Variants in RBFOX3 observed in about 807,000 individuals in gnomAD.
The protein encoded by RBFOX3 is RNA binding fox-1 homolog 3.
RBFOX3 carries 17 observed loss-of-function variants against 48.7 expected under a neutral mutation model. The ratio of observed to expected loss-of-function variants is 0.35; its 90% CI spans 0.24 to 0.52. The LOEUF (loss-of-function observed/expected upper bound fraction) is 0.52. Among genes scored for constraint, RBFOX3 ranks in the 20% least tolerant of loss-of-function variants. The pLI is 0.94. For synonymous variants in RBFOX3, 212 were observed against 209.5 expected, an observed-to-expected ratio of 1.01 and a Z score of -0.10; for missense variants, 382 against 497.5, an observed-to-expected ratio of 0.77 and a Z score of 2.21.
chr17:79,217,040 G>A (rs1470198088), intron 4 of RBFOX3, among the ~76,000 whole-genome samples: 1 of 152,192 alleles, frequency 6.6e-6, no homozygotes, highest in Non-Finnish European at 1.5e-5. Context: ...CCCCCACTCT[G>A]GGCCTCTCTC....
chr17:79,588,126 C>G (rs1025207493), intron 1 of RBFOX3, among the ~76,000 whole-genome samples: 3 of 152,202 alleles, frequency 2.0e-5, no homozygotes, highest in Admixed American at 6.5e-5. Context: ...AGCCACCTTA[C>G]TTGGCCTGAG....
At position 79,205,219 on chromosome 17, in the gene RBFOX3, T is replaced by C. The variant is rs1248200205; in HGVS notation, c.-34+30547A>G. Among the ~76,000 whole-genome samples the C allele has an allele frequency of 2.0e-5, 3 of 152,136 alleles. No individual in the cohort carries two copies. The highest frequency in any genetic ancestry group is 2.0e-4 in the Admixed American group (3 of 15,280). ...CTGGGGAAGGGGACTAGCAGAAGTT[T>C]TGCAGGCAGGAGGATACATGGTTAG... On this transcript the variant is annotated intron_variant, in intron 4 of 14. Transcript: ENST00000693108. This position sits in a 1 kb window ranked among gnomAD's most constrained non-coding sequence, Gnocchi z 4.5.
At chr17:79,518,060 G>A (rs925569242) in intron 1 of RBFOX3, among the ~76,000 whole-genome samples, 8 of 152,142 alleles carry the variant, frequency 5.3e-5, no homozygotes, top group Non-Finnish European at 1.2e-4. Context: ...TACATCCTCC[G>A]TCTCTCCCCT....
intron 2 of RBFOX3, among the ~76,000 whole-genome samples, chr17:79,379,941 C>T (rs1009529687): frequency 6.6e-6 from 1 of 152,202 alleles, no homozygotes; most frequent in African/African-American, 2.4e-5. Flanking sequence ...GCCTCTCCCG[C>T]ACCCTCCTTG....
At position 79,380,100 on chromosome 17, in the gene RBFOX3, C is replaced by T. The variant is rs193209885; in HGVS notation, c.-174-72276G>A. 2.0e-3 allele frequency among the ~76,000 whole-genome samples: 310 copies of T among 152,102 alleles called. 1 individual carries two copies. Among genetic ancestry groups the T allele is most frequent in the African/African-American group, 7.1e-3 (296 of 41,452 alleles). The stretch of plus-strand genomic sequence containing the variant: ...CCCTTCCTCTCCTAGTCCATGACCG[C>T]ATGGCCATCATCTCCATCTTTCCCC... On this transcript the variant is annotated intron_variant, in intron 2 of 14. Coordinates refer to ENST00000693108, the MANE Select transcript of RBFOX3 (RefSeq NM_001350451.2).
chr17:79,487,192 A>G lies in RBFOX3; in HGVS notation c.-319-4594T>C, dbSNP rs1001224690. 4.9e-4 allele frequency among the ~76,000 whole-genome samples: 75 copies of G among 152,266 alleles called. 1 individual carries two copies. The highest frequency in any genetic ancestry group is 1.5e-3 in the African/African-American group (62 of 41,562). On this transcript the variant is annotated intron_variant, in intron 1 of 14. Transcript: ENST00000693108. Reference sequence around the variant, plus strand: ...GGCAGAGGTGTGGGTGAGGCACACAAGGTAGCTGGAGCAGAAGCCACAGGC... The same window carrying G: ...GGCAGAGGTGTGGGTGAGGCACACAGGGTAGCTGGAGCAGAAGCCACAGGC...
intron 3 of RBFOX3, among the ~76,000 whole-genome samples, chr17:79,246,016 GA>G (rs74270518): frequency 0.11 from 15,517 of 146,558 alleles, 1,052 homozygotes; most frequent in East Asian, 0.21. Flanking sequence ...GAGCATGTCA[GA>G]AAAAAAAAAA....
rs181416266 is a variant in RBFOX3, at chr17:79,363,901, G to A, written c.-174-56077C>T. Among the ~76,000 whole-genome samples, 203 of 152,040 alleles carry A rather than the reference G, an allele frequency of 1.3e-3. No individual in the cohort carries two copies. The highest frequency in any genetic ancestry group is 2.0e-3 in the Non-Finnish European group (139 of 67,970). On this transcript the variant is annotated intron_variant, in intron 2 of 14. Coordinates refer to ENST00000693108, the MANE Select transcript of RBFOX3 (RefSeq NM_001350451.2). The surrounding 1 kb of genome is among the most constrained non-coding windows in gnomAD (Gnocchi z 4.7). ...TGCAGCCCCTAACTCTCCCCACCTC[G>A]TCCCCCTCACCCACTCCACTCCAGC...
intron 2 of RBFOX3, among the ~76,000 whole-genome samples, chr17:79,336,094 C>T (rs776864227): frequency 1.3e-5 from 2 of 152,152 alleles, no homozygotes; most frequent in African/African-American, 2.4e-5. Flanking sequence ...TCTTTTAAAT[C>T]CCACTGTTCT....
At position 79,224,144 on chromosome 17, in the gene RBFOX3, C is replaced by T. The variant is rs1001822940; in HGVS notation, c.-34+11622G>A. Among the ~76,000 whole-genome samples the T allele has an allele frequency of 4.1e-4, 62 of 152,120 alleles. 1 individual carries two copies. Among genetic ancestry groups the T allele is most frequent in the Admixed American group, 2.4e-3 (37 of 15,274 alleles). On this transcript the variant is annotated intron_variant, in intron 4 of 14. Transcript: ENST00000693108. ...GGCATTAACTGCCACCAAGAGCCTC[C>T]GGAGTCACCTGGCCTCTCCCCTTCC...
At chr17:79,653,850 C>T in the RBFOX3 span, among the ~76,000 whole-genome samples, 2 of 137,204 alleles carry the variant, frequency 1.5e-5, no homozygotes, top group Non-Finnish European at 3.0e-5. Flanking sequence ...TGAGGCCAGC[C>T]TAGGCAACAT....
intron 2 of RBFOX3, among the ~76,000 whole-genome samples, chr17:79,450,704 A>T (rs782021561): frequency 3.9e-5 from 6 of 152,164 alleles, no homozygotes; most frequent in Non-Finnish European, 7.3e-5. Flanking sequence ...AACTATTAGC[A>T]ACTCATCGTG....
In RBFOX3 at chr17:79,120,660, G is replaced by A. The variant is rs375164142; in HGVS notation, c.-33-4912C>T. 1.6e-4 allele frequency among the ~76,000 whole-genome samples: 23 copies of A among 140,278 alleles called. No individual in the cohort carries two copies. In the East Asian group the frequency reaches 2.5e-3, roughly 15 times the overall value. The allele number at this position is 140,278 out of a possible 152,430, so 92.0% of individuals were successfully genotyped here. A position where few individuals can be genotyped will look rare whatever the true frequency, so the allele number is the denominator to read the frequency against. Reference sequence around the variant, plus strand: ...AAAATTGGTGGGTGTGTGGATGCACGGATGAATGGATGGGTGGATGGTTGG... The same window carrying A: ...AAAATTGGTGGGTGTGTGGATGCACAGATGAATGGATGGGTGGATGGTTGG... On this transcript the variant is annotated intron_variant, in intron 4 of 14. Transcript: ENST00000693108.
chr17:79,515,746 T>C (rs2085152963), intron 1 of RBFOX3, among the ~76,000 whole-genome samples: 2 of 152,120 alleles, frequency 1.3e-5, no homozygotes, highest in South Asian at 4.2e-4. Flanking sequence ...ACCATGTTAG[T>C]GTGGTGGGCA....
intron 5 of RBFOX3, 100 bp from the exon 6 acceptor site, chr17:79,106,888 C>CA (rs2077481078): frequency 2.8e-6 from 4 of 1,404,624 alleles, no homozygotes; most frequent in Non-Finnish European, 3.7e-6. Context: ...AGATTCTCCC[C>CA]ACCCTTCTGG....
intron 4 of RBFOX3, among the ~76,000 whole-genome samples, chr17:79,213,793 T>A (rs186026449): frequency 3.3e-5 from 5 of 152,326 alleles, no homozygotes; most frequent in African/African-American, 1.2e-4. Flanking sequence ...TGGGAACATT[T>A]GTACCCCAAG....
intron 2 of RBFOX3, among the ~76,000 whole-genome samples, chr17:79,353,507 C>A (rs995500745): frequency 1.3e-5 from 2 of 152,216 alleles, no homozygotes; most frequent in Non-Finnish European, 2.9e-5. Context: ...TCTGGGAAAT[C>A]CAATATAGCA....
At chr17:79,451,820 C>T (rs373374049) in intron 2 of RBFOX3, among the ~76,000 whole-genome samples, 25 of 152,356 alleles carry the variant, frequency 1.6e-4, no homozygotes, top group Middle Eastern at 3.4e-3. Context: ...ATGACAGCAT[C>T]GCAGTGTTCG....
intron 4 of RBFOX3, among the ~76,000 whole-genome samples, chr17:79,209,786 G>A (rs2058100538): frequency 6.6e-6 from 1 of 152,128 alleles, no homozygotes; most frequent in Non-Finnish European, 1.5e-5. Context: ...GAGGTCAGGG[G>A]ATCGAGACCA....
Sources: gnomAD v4.1 joint callset for allele counts (sites outside exome capture counted in the v4.1 genomes callset) on GRCh38, gnomAD v4.1.1 for gene constraint, Gnocchi (gnomAD v3.1) non-coding constraint, MANE v1.5 for transcripts, NCBI Gene and HGNC (gene_info 2026-07-23, HGNC 2026-07-21) for gene names.